Variants in NRXN3 observed in about 807,000 individuals in gnomAD.
NRXN3 encodes neurexin 3.
NRXN3 carries 32 observed loss-of-function variants against 137.6 expected under a neutral mutation model. The observed-to-expected ratio is 0.23, with a 90% CI of 0.18 to 0.31. The LOEUF is 0.31. Ranked by LOEUF, NRXN3 falls within the 10% of genes least tolerant of loss-of-function variation. NRXN3 has a pLI of 1.00. For missense variants in NRXN3, 1,574 were observed against 2,062.5 expected (o/e 0.76, Z 4.59); for synonymous variants, 798 against 784.5 (o/e 1.02, Z -0.29).
Position 79,864,616 on chromosome 14 carries a change from A to G in NRXN3, c.*2652A>G, listed in dbSNP as rs551721429. ...ATAATTATCTGTTACTTGAGGCATT[A>G]TTTTTTAGATTGCTATGATAGAATA... On this transcript the variant is annotated 3_prime_UTR_variant, in exon 21 of 21. Transcript: ENST00000335750. The G allele has an allele frequency of 6.6e-6, 1 of 152,328 alleles. No homozygotes were observed. Among genetic ancestry groups the G allele is most frequent in the Middle Eastern group, 3.4e-3 (1 of 294 alleles). The allele number at this position is 152,328 out of a possible 1,614,324, so 9.4% of individuals were successfully genotyped here.
At chr14:79,125,911 G>A (rs577290393) in intron 15 of NRXN3, among the ~76,000 whole-genome samples, 1 of 151,898 alleles carries the variant, frequency 6.6e-6, no homozygotes, top group South Asian at 2.1e-4. Flanking sequence ...TATTTCATAC[G>A]CTTATGCAAC....
intron 15 of NRXN3, among the ~76,000 whole-genome samples, chr14:79,236,525 A>G (rs554737005): frequency 1.3e-5 from 2 of 152,268 alleles, no homozygotes; most frequent in East Asian, 3.9e-4. Flanking sequence ...TGATAGCATT[A>G]AACTGAATAT....
At chr14:79,691,608 T>C (rs2154025121) in intron 17 of NRXN3, among the ~76,000 whole-genome samples, 1 of 152,200 alleles carries the variant, frequency 6.6e-6, no homozygotes, top group African/African-American at 2.4e-5. Context: ...ACATCCTTTA[T>C]GTAATAAGAA....
intron 10 of NRXN3, among the ~76,000 whole-genome samples, chr14:78,949,432 C>G (rs2099382113): frequency 6.6e-6 from 1 of 152,114 alleles, no homozygotes; most frequent in Admixed American, 6.5e-5. Flanking sequence ...CTCTCCCCCT[C>G]AACCCATCCA....
intron 19 of NRXN3, among the ~76,000 whole-genome samples, chr14:79,735,626 C>A (rs2154075736): frequency 6.6e-6 from 1 of 152,236 alleles, no homozygotes; most frequent in East Asian, 1.9e-4. Context: ...AGCCACTGTC[C>A]TGTAAAGGGT....
intron 1 of NRXN3, among the ~76,000 whole-genome samples, chr14:78,188,016 G>C (rs2060387093): frequency 6.6e-6 from 1 of 152,002 alleles, no homozygotes; most frequent in Non-Finnish European, 1.5e-5. Context: ...AACACATAGG[G>C]AGCACTCGGG....
intron 4 of NRXN3, among the ~76,000 whole-genome samples, chr14:78,301,359 T>G (rs769507425): frequency 2.0e-5 from 3 of 152,192 alleles, no homozygotes; most frequent in Admixed American, 1.3e-4. Flanking sequence ...GCCAGCCTTT[T>G]GCCAGGTAGG....
chr14:78,579,303 A>C (rs965773599), intron 4 of NRXN3, among the ~76,000 whole-genome samples: 27 of 152,202 alleles, frequency 1.8e-4, no homozygotes, highest in Non-Finnish European at 1.2e-4. Flanking sequence ...GCCAGTTTAA[A>C]CACATGTCAC....
intron 15 of NRXN3, among the ~76,000 whole-genome samples, chr14:79,157,861 A>G (rs2060395942): frequency 6.6e-6 from 1 of 151,806 alleles, no homozygotes; most frequent in African/African-American, 2.4e-5. Context: ...GAAGCATTTT[A>G]TAAGGGAAAG....
At chr14:79,758,205 C>A (rs1228407727) in intron 19 of NRXN3, among the ~76,000 whole-genome samples, 3 of 152,088 alleles carry the variant, frequency 2.0e-5, no homozygotes, top group Non-Finnish European at 4.4e-5. Context: ...TTTTGGCTTC[C>A]TGTCTTTGTT....
At chr14:78,275,453 G>T (rs983838692) in intron 2 of NRXN3, among the ~76,000 whole-genome samples, 1 of 152,128 alleles carries the variant, frequency 6.6e-6, no homozygotes, top group Non-Finnish European at 1.5e-5. Context: ...TAGATGAGGG[G>T]GTAGAGCTAG....
At chr14:79,766,727 T>A (rs1168532165) in intron 19 of NRXN3, among the ~76,000 whole-genome samples, 1 of 152,204 alleles carries the variant, frequency 6.6e-6, no homozygotes, top group Non-Finnish European at 1.5e-5. Context: ...GTCAAACATT[T>A]CTTGAGTATT....
chr14:78,583,433 A>G (rs2097025160), intron 4 of NRXN3, among the ~76,000 whole-genome samples: 1 of 151,916 alleles, frequency 6.6e-6, no homozygotes, highest in South Asian at 2.1e-4. Flanking sequence ...CTATCAAAAA[A>G]AAAACAAACC....
chr14:78,345,649 G>A (rs1435423409), intron 4 of NRXN3, among the ~76,000 whole-genome samples: 1 of 152,084 alleles, frequency 6.6e-6, no homozygotes, highest in Non-Finnish European at 1.5e-5. Context: ...CAGTCTCGAT[G>A]GATATAGCAA....
chr14:79,246,332 T>C (rs1033687679), intron 15 of NRXN3, among the ~76,000 whole-genome samples: 3 of 152,188 alleles, frequency 2.0e-5, no homozygotes, highest in South Asian at 2.1e-4. Context: ...ATTTTCCACA[T>C]ACTTTCTTCC....
intron 8 of NRXN3, among the ~76,000 whole-genome samples, chr14:78,795,763 G>A (rs190538113): frequency 1.1e-4 from 17 of 152,244 alleles, no homozygotes; most frequent in Admixed American, 5.9e-4. Context: ...TGAAACAATC[G>A]TTTAGCTGGT....
In NRXN3 at chr14:78,546,227, G is replaced by A. The variant is rs78536249; in HGVS notation, c.758-98893G>A. Among the ~76,000 whole-genome samples the A allele has an allele frequency of 8.4e-3, 1,283 of 152,264 alleles. 15 individuals are homozygous for A. Among genetic ancestry groups the A allele is most frequent in the African/African-American group, 0.029 (1,201 of 41,544 alleles). ...TTTCACACATCCCTGATAGTGATAC[G>A]AATTATTGCTTTTTTAAATTGTGCC... On this transcript the variant is annotated intron_variant, in intron 4 of 20. Transcript: ENST00000335750.
At chr14:79,840,220 G>GTTAT (rs1294078547) in intron 20 of NRXN3, among the ~76,000 whole-genome samples, 2 of 152,112 alleles carry the variant, frequency 1.3e-5, no homozygotes, top group Admixed American at 1.3e-4. Context: ...ACATAATGAA[G>GTTAT]TTATTTAGAG....
intron 8 of NRXN3, among the ~76,000 whole-genome samples, chr14:78,756,211 G>A (rs2098667511): frequency 6.6e-6 from 1 of 152,070 alleles, no homozygotes; most frequent in African/African-American, 2.4e-5. Context: ...TCACTAGCCG[G>A]GTGCGGTGGC....
Sources: allele counts gnomAD v4.1 joint callset (sites outside exome capture counted in the v4.1 genomes callset), GRCh38; gene constraint gnomAD v4.1.1; transcripts MANE v1.5; gene names NCBI Gene and HGNC (gene_info 2026-07-23, HGNC 2026-07-21).